Variants in WDR41 observed in about 807,000 individuals in gnomAD.
WDR41 encodes WD repeat domain 41, also known as WD repeat-containing protein 41.
Under a neutral mutation model 69.3 loss-of-function variants are expected in WDR41, and 63 were observed. The ratio of observed to expected loss-of-function variants is 0.91; its 90% CI spans 0.74 to 1.12. The LOEUF (loss-of-function observed/expected upper bound fraction) is 1.12. Among genes scored for constraint, WDR41 ranks in the 50% most tolerant of loss-of-function variants. The probability of loss-of-function intolerance (pLI) is 0.00; values close to 1 mark genes in which losing one functional copy is unlikely to be tolerated. For missense variants in WDR41, 543 were observed against 534.5 expected (o/e 1.02, Z -0.16); for synonymous variants, 185 against 192.1 (o/e 0.96, Z 0.31).
intron 1 of WDR41, among the ~76,000 whole-genome samples, chr5:77,547,674 G>T (rs556387163): frequency 6.6e-6 from 1 of 152,210 alleles, no homozygotes; most frequent in African/African-American, 2.4e-5. Context: ...TCATGGATGT[G>T]TAGAATCAAT....
chr5:77,619,114 C>T (rs1744730067), intron 1 of WDR41, among the ~76,000 whole-genome samples: 1 of 152,170 alleles, frequency 6.6e-6, no homozygotes, highest in Non-Finnish European at 1.5e-5. Context: ...CATATAACTG[C>T]TTCATGGTCA....
chr5:77,480,064 C>T (rs1258469990), intron 2 of WDR41: 9 of 151,592 alleles, frequency 5.9e-5, no homozygotes, highest in African/African-American at 1.9e-4. Context: ...CCAAAAAACA[C>T]ATGAAAAAAT....
chr5:77,537,026 G>A (rs915983209), intron 1 of WDR41, among the ~76,000 whole-genome samples: 1 of 152,174 alleles, frequency 6.6e-6, no homozygotes, highest in Non-Finnish European at 1.5e-5. Context: ...TACATGCAGA[G>A]GTGCTATTCA....
At chr5:77,445,404 G>A (rs1020319309) in intron 8 of WDR41, among the ~76,000 whole-genome samples, 2 of 151,732 alleles carry the variant, frequency 1.3e-5, no homozygotes, top group African/African-American at 4.8e-5. Flanking sequence ...CTGAAAGAGG[G>A]ACTTCCTAAT....
At chr5:77,615,057 G>T (rs1744650908) in intron 1 of WDR41, among the ~76,000 whole-genome samples, 1 of 152,076 alleles carries the variant, frequency 6.6e-6, no homozygotes, top group African/African-American at 2.4e-5. Context: ...GTGGGAGCAG[G>T]GATTGACTGC....
chr5:77,443,575 T>G (rs1799258749), intron 8 of WDR41, among the ~76,000 whole-genome samples: 1 of 152,206 alleles, frequency 6.6e-6, no homozygotes, highest in Non-Finnish European at 1.5e-5. Context: ...CTAGTTTTAG[T>G]AGTGGGAAAG....
intron 1 of WDR41, among the ~76,000 whole-genome samples, chr5:77,618,574 T>C (rs1744721106): frequency 2.0e-5 from 3 of 152,164 alleles, no homozygotes; most frequent in South Asian, 2.1e-4. Flanking sequence ...GGTTTCACCA[T>C]GTTGGCCAGG....
intron 2 of WDR41, 98 bp from the exon 3 acceptor site, chr5:77,464,907 T>A: frequency 8.2e-7 from 1 of 1,218,572 alleles, no homozygotes; most frequent in Non-Finnish European, 1.2e-6. Context: ...TTTTGACTAA[T>A]ATTAACGAAG....
chr5:77,482,576 T>C (rs747661719), intron 2 of WDR41, among the ~76,000 whole-genome samples: 1 of 152,310 alleles, frequency 6.6e-6, no homozygotes, highest in South Asian at 2.1e-4. Context: ...TTTTTGTTAA[T>C]TGATAGTTAA....
intron 5 of WDR41, among the ~76,000 whole-genome samples, chr5:77,456,259 T>A (rs1263238966): frequency 6.6e-6 from 1 of 152,214 alleles, no homozygotes; most frequent in Non-Finnish European, 1.5e-5. Flanking sequence ...TCCTCCCACC[T>A]TGGCCTCCCA....
intron 1 of WDR41, among the ~76,000 whole-genome samples, chr5:77,504,462 C>T (rs1384521193): frequency 6.6e-6 from 1 of 152,184 alleles, no homozygotes; most frequent in African/African-American, 2.4e-5. Flanking sequence ...AGAGCTGGTA[C>T]CATTCCTTCT....
chr5:77,501,665 G>C (rs900349093), intron 1 of WDR41, among the ~76,000 whole-genome samples: 1 of 152,138 alleles, frequency 6.6e-6, no homozygotes, highest in African/African-American at 2.4e-5. Flanking sequence ...GCCCCTCTGG[G>C]ACAAAGCTTC....
intron 1 of WDR41, among the ~76,000 whole-genome samples, chr5:77,556,081 G>A (rs1481452783): frequency 6.6e-6 from 1 of 150,948 alleles, no homozygotes; most frequent in Non-Finnish European, 1.5e-5. Context: ...CAAAGGTGGT[G>A]GGGAAAAGAT....
chr5:77,578,864 CAAAAAAAAAAAAA>C (rs55920763), intron 1 of WDR41, among the ~76,000 whole-genome samples: 1 of 77,202 alleles, frequency 1.3e-5, no homozygotes, highest in African/African-American at 4.7e-5. Context: ...AACTCCATCT[CAAAAAAAAAAAAA>C]AAAAAAAAGA....
chr5:77,603,708 C>G (rs1052820019), intron 1 of WDR41, among the ~76,000 whole-genome samples: 3 of 152,022 alleles, frequency 2.0e-5, no homozygotes, highest in African/African-American at 7.2e-5. Context: ...TAGTTTTAGG[C>G]CTTATGTTTA....
intron 7 of WDR41, 142 bp from the exon 8 acceptor site, chr5:77,450,012 T>C: frequency 3.2e-6 from 2 of 626,728 alleles, no homozygotes; most frequent in Non-Finnish European, 5.7e-6. Flanking sequence ...GCCTTATTCA[T>C]ACTACTTTAA....
At position 77,486,460 on chromosome 5, in the gene WDR41, T is replaced by G. The variant is rs749870587; in HGVS notation, c.167+2997A>C. On this transcript the variant is annotated intron_variant, in intron 2 of 12. Transcript: ENST00000296679. ...TTGCCACCACCATTAGCAATAGGAC[T>G]TAGTTACTTCTACCATGAGAGGTCA... 2.9e-4 allele frequency among the ~76,000 whole-genome samples: 44 copies of G among 152,354 alleles called. No homozygotes were observed. The South Asian group carries it at 2.9e-3, about 10-fold the overall frequency.
At chr5:77,535,816 A>G (rs570428364) in intron 1 of WDR41, among the ~76,000 whole-genome samples, 2 of 152,356 alleles carry the variant, frequency 1.3e-5, no homozygotes, top group East Asian at 3.9e-4. Flanking sequence ...AGAAGTTTAA[A>G]TTATGAAAGT....
chr5:77,468,856 G>A (rs1487046912), intron 2 of WDR41, among the ~76,000 whole-genome samples: 2 of 152,050 alleles, frequency 1.3e-5, no homozygotes, highest in Non-Finnish European at 2.9e-5. Context: ...TGTACAGTAA[G>A]ACGCAGGATC....
Sources: gnomAD v4.1 joint callset for allele counts (sites outside exome capture counted in the v4.1 genomes callset) on GRCh38, gnomAD v4.1.1 for gene constraint, MANE v1.5 for transcripts, NCBI Gene and HGNC (gene_info 2026-07-23, HGNC 2026-07-21) for gene names.